DPP6: variants seen among roughly 807,000 people sequenced by gnomAD.
The protein encoded by DPP6 is A-type potassium channel modulatory protein DPP6.
A neutral mutation model predicts 122.6 loss-of-function variants in DPP6; 69 were observed. That is an observed-to-expected ratio of 0.56 (90% CI 0.46 to 0.69). The LOEUF (loss-of-function observed/expected upper bound fraction) is 0.69. Among genes scored for constraint, DPP6 ranks in the 30% least tolerant of loss-of-function variants. DPP6 has a pLI of 0.00. For missense variants in DPP6, 928 were observed against 1,116.9 expected, an observed-to-expected ratio of 0.83 and a Z score of 2.41; for synonymous variants, 418 against 433.1, an observed-to-expected ratio of 0.97 and a Z score of 0.43.
At chr7:154,225,820 T>C (rs1255714785) in intron 1 of DPP6, among the ~76,000 whole-genome samples, 1 of 152,172 alleles carries the variant, frequency 6.6e-6, no homozygotes, top group African/African-American at 2.4e-5. Context: ...CCTGGGTCAT[T>C]AGAATCCCCC....
the DPP6 span, among the ~76,000 whole-genome samples, chr7:153,846,661 G>T: frequency 4.5e-5 from 6 of 134,334 alleles, no homozygotes; most frequent in South Asian, 2.5e-4. Flanking sequence ...ACTTGACACT[G>T]TTCTAGAGCT....
At chr7:154,343,574 TGTTTTTGTTTTA>T (rs1810114266) in intron 1 of DPP6, among the ~76,000 whole-genome samples, 1 of 152,104 alleles carries the variant, frequency 6.6e-6, no homozygotes, top group African/African-American at 2.4e-5. Context: ...TCACTTTTCT[TGTTTTTGTTTTA>T]GTTTTTGTTT....
chr7:154,343,444 G>A (rs926979062), intron 1 of DPP6, among the ~76,000 whole-genome samples: 1 of 152,220 alleles, frequency 6.6e-6, no homozygotes. Context: ...TTGGGTCTCA[G>A]CCAGTGCTAT....
intron 7 of DPP6, among the ~76,000 whole-genome samples, chr7:154,692,971 C>T (rs1840017320): frequency 6.6e-6 from 1 of 151,182 alleles, no homozygotes; most frequent in Non-Finnish European, 1.5e-5. Context: ...TTTAAATTGT[C>T]TGTAGAGATG....
At chr7:154,173,013 G>A (rs1797615933) in intron 1 of DPP6, among the ~76,000 whole-genome samples, 1 of 152,200 alleles carries the variant, frequency 6.6e-6, no homozygotes, top group Admixed American at 6.5e-5. Flanking sequence ...GGGAATGGTA[G>A]GAAAGAGTAG....
chr7:154,884,138 T>TCA (rs746890952), intron 21 of DPP6: 1 of 109,308 alleles, frequency 9.1e-6, no homozygotes, highest in Non-Finnish European at 1.9e-5. Context: ...ATACACATGC[T>TCA]CACACACACA....
At chr7:154,744,385 A>T (rs1842944239) in intron 8 of DPP6, among the ~76,000 whole-genome samples, 1 of 152,198 alleles carries the variant, frequency 6.6e-6, no homozygotes, top group Admixed American at 6.5e-5. Flanking sequence ...TCTCTTCCCC[A>T]CTAAAGGAAC....
chr7:153,909,123 C>T (rs866070381), intron 1 of DPP6, among the ~76,000 whole-genome samples: 4 of 152,120 alleles, frequency 2.6e-5, no homozygotes, highest in Admixed American at 2.0e-4. Context: ...TCTATGTTAT[C>T]GTTATTTTAA....
At chr7:154,079,040 C>A (rs145926253) in intron 1 of DPP6, among the ~76,000 whole-genome samples, 1 of 151,520 alleles carries the variant, frequency 6.6e-6, no homozygotes, top group East Asian at 1.9e-4. Context: ...GGGTGTATCA[C>A]GCGGTCAGGA....
intron 1 of DPP6, among the ~76,000 whole-genome samples, chr7:154,320,962 C>T (rs1163037140): frequency 6.6e-6 from 1 of 152,094 alleles, no homozygotes; most frequent in Non-Finnish European, 1.5e-5. Flanking sequence ...CTTCTAGGCA[C>T]AAAGGATCCA....
Position 154,071,049 on chromosome 7 carries a change from T to G in DPP6, c.243+17986T>G, listed in dbSNP as rs543754052. 1.1e-4 allele frequency among the ~76,000 whole-genome samples: 16 copies of G among 152,310 alleles called. No individual in the cohort carries two copies. In the South Asian group the frequency reaches 1.7e-3, roughly 16 times the overall value. On this transcript the variant is annotated intron_variant, in intron 1 of 25. Coordinates refer to ENST00000377770, the MANE Select transcript of DPP6 (RefSeq NM_130797.4). ...CATGCATGCTATTTTATTTGTTTTT[T>G]GCTGATAAAGGTGGAATGATGTTAT...
At chr7:153,957,072 C>T (rs1209428780) in intron 1 of DPP6, among the ~76,000 whole-genome samples, 2 of 152,078 alleles carry the variant, frequency 1.3e-5, no homozygotes, top group Non-Finnish European at 2.9e-5. Context: ...TAAATGGGGT[C>T]GATTACCTGA....
the DPP6 span, among the ~76,000 whole-genome samples, chr7:153,818,940 T>C: frequency 0.084 from 12,648 of 150,676 alleles, 585 homozygotes; most frequent in African/African-American, 0.12. Context: ...TTAGTAGAGA[T>C]GGGGTTTCAC....
At chr7:154,420,603 T>C (rs1817390521) in intron 1 of DPP6, among the ~76,000 whole-genome samples, 2 of 152,150 alleles carry the variant, frequency 1.3e-5, no homozygotes, top group Admixed American at 6.5e-5. Flanking sequence ...AAAGTTTCCA[T>C]TTGACAGGAG....
At chr7:153,896,032 G>A (rs1045073908) in intron 1 of DPP6, among the ~76,000 whole-genome samples, 2 of 152,216 alleles carry the variant, frequency 1.3e-5, no homozygotes, top group Non-Finnish European at 2.9e-5. Context: ...GGATGGGATG[G>A]GACTGCACTG....
chr7:154,868,183 A>C, intron 18 of DPP6, 90 bp downstream of exon 18: 1 of 1,490,842 alleles, frequency 6.7e-7, no homozygotes. Context: ...GGTGCCCTGC[A>C]AGGAAGACTC....
chr7:154,279,133 GTATC>G (rs1228801126), intron 1 of DPP6, among the ~76,000 whole-genome samples: 3 of 151,174 alleles, frequency 2.0e-5, no homozygotes, highest in Admixed American at 6.6e-5. Flanking sequence ...GCATGTGTGT[GTATC>G]TATGTGTGTG....
chr7:154,097,962 G>A (rs113030689), intron 1 of DPP6, among the ~76,000 whole-genome samples: 2,114 of 152,182 alleles, frequency 0.014, 47 homozygotes, highest in African/African-American at 0.047. Flanking sequence ...GGTTGTGCTC[G>A]CTCACTTCTG....
At chr7:154,655,289 G>A (rs769738235) in intron 6 of DPP6, among the ~76,000 whole-genome samples, 5 of 152,066 alleles carry the variant, frequency 3.3e-5, no homozygotes, top group East Asian at 1.9e-4. Flanking sequence ...AGTAAACTTC[G>A]CTGCACTAAT....
Sources: gnomAD v4.1 joint callset for allele counts (sites outside exome capture counted in the v4.1 genomes callset) on GRCh38, gnomAD v4.1.1 for gene constraint, MANE v1.5 for transcripts, NCBI Gene and HGNC (gene_info 2026-07-23, HGNC 2026-07-21) for gene names.